Variants in DDI2 observed in about 807,000 individuals in gnomAD.
The protein encoded by DDI2 is protein DDI1 homolog 2.
Under a neutral mutation model 48.1 loss-of-function variants are expected in DDI2, and 5 were observed. The observed-to-expected ratio is 0.10, with a 90% CI of 0.05 to 0.22. The LOEUF (loss-of-function observed/expected upper bound fraction) is 0.22. Among genes scored for constraint, DDI2 ranks in the 10% least tolerant of loss-of-function variants. The pLI, the probability that DDI2 is intolerant of heterozygous loss-of-function variation, is 1.00. For synonymous variants in DDI2, 205 were observed against 183.6 expected (o/e 1.12, Z -0.94); for missense variants, 285 against 506.2 (o/e 0.56, Z 4.19).
At chr1:15,633,805 C>T (rs41270275) in intron 4 of DDI2, 11,863 of 519,318 alleles carry the variant, frequency 0.023, 192 homozygotes, top group Middle Eastern at 0.032. Context: ...AAGGAGGACT[C>T]CCTGACTAGC....
At chr1:15,617,863 G>T in intron 1 of DDI2, 55 bp downstream of exon 1, 4 of 1,477,612 alleles carry the variant, frequency 2.7e-6, no homozygotes, top group Non-Finnish European at 3.6e-6. Flanking sequence ...CCCGCCTCGG[G>T]GCCTCACTCC....
At chr1:15,648,123 T>C (rs1373278804) in intron 6 of DDI2, among the ~76,000 whole-genome samples, 1 of 152,324 alleles carries the variant, frequency 6.6e-6, no homozygotes, top group Non-Finnish European at 1.5e-5. Flanking sequence ...TTGATTTGTG[T>C]AGGATAAAGA....
chr1:15,641,025 G>T (rs941008255), intron 5 of DDI2, among the ~76,000 whole-genome samples: 3 of 152,206 alleles, frequency 2.0e-5, no homozygotes, highest in Non-Finnish European at 2.9e-5. Flanking sequence ...GAAGCAGAGG[G>T]TTTAGAGTAG....
Position 15,668,049 on chromosome 1 carries a change from GTTTC to G in DDI2, c.*8263_*8266del, listed in dbSNP as rs1333780843. 3 of 152,002 alleles carry G rather than the reference GTTTC, an allele frequency of 2.0e-5. No homozygotes were observed. The highest frequency in any genetic ancestry group is 4.4e-5 in the Non-Finnish European group (3 of 68,020). 9.4% of individuals were successfully genotyped at this position (152,002 alleles called of 1,614,324 possible). A position where few individuals can be genotyped will look rare whatever the true frequency, so the allele number is the denominator to read the frequency against. ...ATTATGATAATTTATACAGAACTAG[GTTTC>G]TTTATGTTCTGCAAGAAGGTTTTTA... On this transcript the variant is annotated 3_prime_UTR_variant, in exon 10 of 10. Transcript: ENST00000480945.
At chr1:15,653,434 G>T (rs1431635943) in intron 8 of DDI2, among the ~76,000 whole-genome samples, 2 of 151,944 alleles carry the variant, frequency 1.3e-5, no homozygotes, top group Non-Finnish European at 2.9e-5. Context: ...GAGCCACCAT[G>T]CCTCTTAGGC....
rs79410815 is a variant in DDI2 at position 15,655,065 on chromosome 1, G to A, written c.1184-1552G>A. Among the ~76,000 whole-genome samples, 1,333 of 150,806 alleles carry A rather than the reference G, an allele frequency of 8.8e-3. 19 individuals are homozygous for A. Among genetic ancestry groups the A allele is most frequent in the African/African-American group, 0.03 (1,221 of 40,980 alleles). ...CTTTTTTGGTAATTACCTTATTTTAGTAAAAGTTTGGAAGATTAAAACAGA... is the reference window on the plus strand; with the variant it reads ...CTTTTTTGGTAATTACCTTATTTTAATAAAAGTTTGGAAGATTAAAACAGA... On this transcript the variant is annotated intron_variant, in intron 8 of 9. Transcript: ENST00000480945.
chr1:15,660,706 C>T lies in DDI2; in HGVS notation c.*916C>T. 6.2e-7 allele frequency: 1 copy of T among 1,613,994 alleles called. No homozygotes were observed. Among genetic ancestry groups the T allele is most frequent in the Non-Finnish European group, 8.5e-7 (1 of 1,179,996 alleles). On this transcript the variant is annotated 3_prime_UTR_variant, in exon 10 of 10. Transcript: ENST00000480945. ...TGTCAAGAACATTGGTGCATTGGAT[C>T]TCACTTTAGATAATCCCTTGATGGA...
intron 8 of DDI2, among the ~76,000 whole-genome samples, chr1:15,654,711 T>G (rs1640245300): frequency 6.6e-6 from 1 of 151,900 alleles, no homozygotes; most frequent in South Asian, 2.1e-4. Context: ...GGCTCAAGTT[T>G]TTATATTAAC....
At chr1:15,643,046 G>A (rs1393290171) in intron 5 of DDI2, among the ~76,000 whole-genome samples, 1 of 152,046 alleles carries the variant, frequency 6.6e-6, no homozygotes, top group Non-Finnish European at 1.5e-5. Flanking sequence ...CAGCCTGGGC[G>A]ACAGAGCGAG....
At position 15,660,893 on chromosome 1, in the gene DDI2, T is replaced by C; in HGVS notation, c.*1103T>C. ...CTCTGTGGCAGTTGTCAGCCTTCTGTGGAGTCAGCAGAAGAATCTTGCCCG... is the reference window on the plus strand; with the variant it reads ...CTCTGTGGCAGTTGTCAGCCTTCTGCGGAGTCAGCAGAAGAATCTTGCCCG... On this transcript the variant is annotated 3_prime_UTR_variant, in exon 10 of 10. Transcript: ENST00000480945. 1 of 1,614,046 alleles carries C rather than the reference T, an allele frequency of 6.2e-7. No individual in the cohort carries two copies. The highest frequency in any genetic ancestry group is 8.5e-7 in the Non-Finnish European group (1 of 1,179,998).
intron 1 of DDI2, among the ~76,000 whole-genome samples, chr1:15,619,336 G>C (rs988725609): frequency 6.6e-6 from 1 of 151,944 alleles, no homozygotes. Flanking sequence ...ATGTTGACCA[G>C]GCTGATTTCA....
intron 6 of DDI2, among the ~76,000 whole-genome samples, chr1:15,649,117 A>G (rs913720045): frequency 1.3e-5 from 2 of 152,130 alleles, no homozygotes; most frequent in East Asian, 3.9e-4. Context: ...TAATCCCAGC[A>G]CGTTGGGAGG....
At chr1:15,623,919 CCG>C (rs1459889249) in intron 1 of DDI2, among the ~76,000 whole-genome samples, 42 of 152,132 alleles carry the variant, frequency 2.8e-4, no homozygotes, top group Admixed American at 2.5e-3. Flanking sequence ...AAAAAATTAG[CCG>C]CTTGTGGGGG....
At chr1:15,625,836 C>T (rs1639744535) in intron 1 of DDI2, among the ~76,000 whole-genome samples, 1 of 152,190 alleles carries the variant, frequency 6.6e-6, no homozygotes, top group African/African-American at 2.4e-5. Flanking sequence ...CCAGGCTGGT[C>T]TCGAACCCCT....
chr1:15,655,726 C>A (rs1178683519), intron 8 of DDI2, among the ~76,000 whole-genome samples: 1 of 148,590 alleles, frequency 6.7e-6, no homozygotes, highest in African/African-American at 2.5e-5. Context: ...GCACTCCAGC[C>A]TGGGCAACAG....
intron 6 of DDI2, 23 bp from the exon 7 acceptor site, chr1:15,649,696 CT>C: frequency 6.2e-7 from 1 of 1,602,468 alleles, no homozygotes; most frequent in Non-Finnish European, 8.5e-7. Context: ...TAACAATAAC[CT>C]TTTCTCTTCA....
chr1:15,629,763 C>T (rs1296351916), intron 2 of DDI2, among the ~76,000 whole-genome samples: 4 of 146,334 alleles, frequency 2.7e-5, no homozygotes, highest in Non-Finnish European at 4.5e-5. Flanking sequence ...TGAAGTTTCG[C>T]TCTTGTTGCC....
chr1:15,647,524 A>G (rs1640110980), intron 6 of DDI2, among the ~76,000 whole-genome samples: 1 of 152,132 alleles, frequency 6.6e-6, no homozygotes, highest in Non-Finnish European at 1.5e-5. Flanking sequence ...CAAGATTCCT[A>G]TAAGTGAAAC....
chr1:15,661,442 G>A lies in DDI2; in HGVS notation c.*1652G>A, dbSNP rs746347743. ...AATTTCATATTGGTTAAAGACTTAG[G>A]TCAGGGCATACAGAATTCAGTAACA... On this transcript the variant is annotated 3_prime_UTR_variant, in exon 10 of 10. Transcript: ENST00000480945. 1.2e-6 allele frequency: 2 copies of A among 1,613,966 alleles called. No individual in the cohort carries two copies. Among genetic ancestry groups the A allele is most frequent in the East Asian group, 4.5e-5 (2 of 44,898 alleles).
Sources: allele counts gnomAD v4.1 joint callset (sites outside exome capture counted in the v4.1 genomes callset), GRCh38; gene constraint gnomAD v4.1.1; transcripts MANE v1.5; gene names NCBI Gene and HGNC (gene_info 2026-07-23, HGNC 2026-07-21).